The following HIPK2 variants were observed in gnomAD, a reference collection of about 807,000 sequenced individuals.
HIPK2 encodes the protein homeodomain-interacting protein kinase 2.
In HIPK2, 27 loss-of-function variants were observed where a neutral mutation model predicts 113.7. The ratio of observed to expected loss-of-function variants is 0.24; its 90% CI spans 0.17 to 0.33. HIPK2 has a LOEUF of 0.33. Ranked by LOEUF, HIPK2 falls within the 10% of genes least tolerant of loss-of-function variation. The probability of loss-of-function intolerance (pLI) is 1.00; values close to 1 mark genes in which losing one functional copy is unlikely to be tolerated. For synonymous variants in HIPK2, 631 were observed against 642.2 expected (o/e 0.98, Z 0.26); for missense variants, 1,257 against 1,588.0 (o/e 0.79, Z 3.54).
At chr7:139,697,286 G>C (rs1443454289) in intron 2 of HIPK2, among the ~76,000 whole-genome samples, 2 of 152,200 alleles carry the variant, frequency 1.3e-5, no homozygotes, top group African/African-American at 2.4e-5. Flanking sequence ...GGGCCTCAGA[G>C]AGAGCTGCAG....
chr7:139,740,283 A>T (rs763462466), intron 1 of HIPK2, among the ~76,000 whole-genome samples: 4 of 152,188 alleles, frequency 2.6e-5, no homozygotes, highest in African/African-American at 9.7e-5. Context: ...AATAAATTAG[A>T]GAAGCTGTGA....
chr7:139,685,203 C>T (rs984185518), intron 2 of HIPK2, among the ~76,000 whole-genome samples: 4 of 152,214 alleles, frequency 2.6e-5, no homozygotes, highest in Admixed American at 2.6e-4. Flanking sequence ...CAGGGTCTCA[C>T]TCTGTCGCTC....
chr7:139,642,664 CA>C (rs1384422249), intron 2 of HIPK2, among the ~76,000 whole-genome samples: 1 of 152,118 alleles, frequency 6.6e-6, no homozygotes, highest in East Asian at 1.9e-4. Flanking sequence ...GCTTCCTAGG[CA>C]AACAGGAGAT....
At position 139,561,934 on chromosome 7, in the gene HIPK2, G is replaced by T. The variant is rs546958976; in HGVS notation, c.*10993C>A. On this transcript the variant is annotated 3_prime_UTR_variant, in exon 15 of 15. Coordinates refer to ENST00000406875, the MANE Select transcript of HIPK2 (RefSeq NM_022740.5). Reference sequence around the variant, plus strand: ...AATGATTAATTTAGAAGCACACGACGTCATGATGAAAAACACAAGCATTTT... The same window carrying T: ...AATGATTAATTTAGAAGCACACGACTTCATGATGAAAAACACAAGCATTTT... 6.6e-6 allele frequency: 1 copy of T among 152,040 alleles called. No individual in the cohort carries two copies. Among genetic ancestry groups the T allele is most frequent in the Non-Finnish European group, 1.5e-5 (1 of 68,030 alleles). 9.4% of individuals were successfully genotyped at this position (152,040 alleles called of 1,614,324 possible). A position where few individuals can be genotyped will look rare whatever the true frequency, so the allele number is the denominator to read the frequency against.
chr7:139,631,041 TAAC>T lies in HIPK2; in HGVS notation c.1347+121_1347+123del, dbSNP rs1188627258. 15 of 1,303,904 alleles carry T rather than the reference TAAC, an allele frequency of 1.2e-5. No homozygotes were observed. The Admixed American group carries it at 2.1e-4, about 19-fold the overall frequency. The allele number at this position is 1,303,904 out of a possible 1,614,324, so 80.8% of individuals were successfully genotyped here. ...ATTCAGATTCAGCCATACCATGTAT[TAAC>T]AACAGCACCCCCAGTGCCCTCATTT... On this transcript the variant is annotated intron_variant, in intron 4 of 14. Coordinates refer to ENST00000406875, the MANE Select transcript of HIPK2 (RefSeq NM_022740.5). This position sits in a 1 kb window ranked among gnomAD's most constrained non-coding sequence, Gnocchi z 4.9.
intron 2 of HIPK2, among the ~76,000 whole-genome samples, chr7:139,686,450 T>A (rs1240844341): frequency 6.6e-6 from 1 of 152,214 alleles, no homozygotes; most frequent in Non-Finnish European, 1.5e-5. Context: ...GAATTGTAGT[T>A]CCCATCATCC....
chr7:139,707,676 C>G (rs1197472119), intron 2 of HIPK2, among the ~76,000 whole-genome samples: 2 of 152,222 alleles, frequency 1.3e-5, no homozygotes, highest in African/African-American at 4.8e-5. Context: ...CACTCCTACT[C>G]ACGTCCTGAA....
intron 13 of HIPK2, among the ~76,000 whole-genome samples, chr7:139,575,590 G>A (rs1798465032): frequency 6.6e-6 from 1 of 152,250 alleles, no homozygotes; most frequent in Non-Finnish European, 1.5e-5. Flanking sequence ...CAGGCCCAGT[G>A]CCGTTCCTCT....
At chr7:139,656,462 T>A (rs1010596553) in intron 2 of HIPK2, among the ~76,000 whole-genome samples, 10 of 152,214 alleles carry the variant, frequency 6.6e-5, no homozygotes, top group Non-Finnish European at 1.3e-4. Context: ...CACTTTTTCT[T>A]CTTTATTCTC....
intron 12 of HIPK2, among the ~76,000 whole-genome samples, chr7:139,584,901 T>C (rs1450855679): frequency 3.3e-5 from 5 of 152,188 alleles, no homozygotes; most frequent in African/African-American, 7.2e-5. Context: ...CTTCATACAA[T>C]AGGGAGGCAC....
Position 139,562,352 on chromosome 7 carries a change from G to C in HIPK2, c.*10575C>G, listed in dbSNP as rs1055028526. On this transcript the variant is annotated 3_prime_UTR_variant, in exon 15 of 15. Transcript: ENST00000406875. ...GAGATGACCCTGGGGAGGGAGCCACGTTCCTTGGACCTGGTGACTTAGTGT... is the reference window on the plus strand; with the variant it reads ...GAGATGACCCTGGGGAGGGAGCCACCTTCCTTGGACCTGGTGACTTAGTGT... The C allele has an allele frequency of 3.3e-5, 5 of 152,236 alleles. No homozygotes were observed. Among genetic ancestry groups the C allele is most frequent in the African/African-American group, 1.2e-4 (5 of 41,438 alleles). 9.4% of individuals were successfully genotyped at this position (152,236 alleles called of 1,614,324 possible).
chr7:139,679,714 T>C (rs1207445449), intron 2 of HIPK2, among the ~76,000 whole-genome samples: 1 of 152,206 alleles, frequency 6.6e-6, no homozygotes, highest in East Asian at 1.9e-4. Flanking sequence ...GAAATTAACA[T>C]GGCTTTTTGT....
intron 2 of HIPK2, among the ~76,000 whole-genome samples, chr7:139,700,500 T>A (rs1304026317): frequency 1.3e-5 from 2 of 152,194 alleles, no homozygotes; most frequent in Non-Finnish European, 2.9e-5. Context: ...TACAAACTCT[T>A]ATGTTTAGTT....
chr7:139,690,277 G>A (rs1460857385), intron 2 of HIPK2, among the ~76,000 whole-genome samples: 2 of 151,246 alleles, frequency 1.3e-5, no homozygotes, highest in African/African-American at 4.9e-5. Flanking sequence ...TATGAGCAGT[G>A]CACACAGAGT....
intron 2 of HIPK2, among the ~76,000 whole-genome samples, chr7:139,679,380 G>T (rs754949754): frequency 6.6e-6 from 1 of 152,088 alleles, no homozygotes; most frequent in Non-Finnish European, 1.5e-5. Context: ...ATTTTGAAGG[G>T]GACCCATTAA....
rs111606160 is a variant in HIPK2 at position 139,739,527 on chromosome 7, C to A, written c.20-22512G>T. 4.0e-5 allele frequency among the ~76,000 whole-genome samples: 6 copies of A among 150,862 alleles called. No individual in the cohort carries two copies. The South Asian group carries it at 6.3e-4, about 16-fold the overall frequency. ...GCTTGAACCCTGGAGGCGGAGGTTG[C>A]GGTGAGCCAAGATTGTACTGCTGCA... On this transcript the variant is annotated intron_variant, in intron 1 of 14. Transcript: ENST00000406875.
chr7:139,629,845 G>A (rs1800551374), intron 4 of HIPK2, among the ~76,000 whole-genome samples: 1 of 152,092 alleles, frequency 6.6e-6, no homozygotes, highest in Non-Finnish European at 1.5e-5. Context: ...GCAAACTCCA[G>A]CCTCACCCTC....
intron 6 of HIPK2, 125 bp from the exon 7 acceptor site, chr7:139,620,688 A>T: frequency 7.8e-7 from 1 of 1,274,192 alleles, no homozygotes; most frequent in East Asian, 2.3e-5. Context: ...ACAAGCAGGG[A>T]AACTAAACTT....
In HIPK2 at chr7:139,777,998, T is replaced by G. The variant is rs1014217292; in HGVS notation, c.-375A>C. 9.2e-6 allele frequency: 1 copy of G among 108,190 alleles called. No homozygotes were observed. Among genetic ancestry groups the G allele is most frequent in the Non-Finnish European group, 1.9e-5 (1 of 53,056 alleles). 6.7% of individuals were successfully genotyped at this position (108,190 alleles called of 1,614,324 possible). On this transcript the variant is annotated 5_prime_UTR_variant, in exon 1 of 15. It removes an upstream start codon present in the reference 5' UTR. Transcript: ENST00000406875. ...AGGGCCGGCGGGGCTCAGCTCAGCATGGCTGGGCGCGGGGGCTCCGCAAAA... is the reference window on the plus strand; with the variant it reads ...AGGGCCGGCGGGGCTCAGCTCAGCAGGGCTGGGCGCGGGGGCTCCGCAAAA...
Sources: allele counts gnomAD v4.1 joint callset (sites outside exome capture counted in the v4.1 genomes callset), GRCh38; gene constraint gnomAD v4.1.1; non-coding constraint Gnocchi (gnomAD v3.1); transcripts MANE v1.5; gene names NCBI Gene and HGNC (gene_info 2026-07-23, HGNC 2026-07-21).